Variants in VRK2 observed in about 807,000 individuals in gnomAD.
The protein encoded by VRK2 is VRK serine/threonine kinase 2.
Under a neutral mutation model 57.6 loss-of-function variants are expected in VRK2, and 60 were observed. The ratio of observed to expected loss-of-function variants is 1.04; its 90% confidence interval spans 0.85 to 1.29. VRK2 has a LOEUF of 1.29. Among genes scored for constraint, VRK2 ranks in the 50% most tolerant of loss-of-function variants. VRK2 has a pLI of 0.00. For synonymous variants in VRK2, 231 were observed against 199.2 expected (o/e 1.16, Z -1.35); for missense variants, 705 against 588.1 (o/e 1.20, Z -2.06).
chr2:57,952,786 A>T (rs1233022123), intron 1 of VRK2, among the ~76,000 whole-genome samples: 1 of 150,994 alleles, frequency 6.6e-6, no homozygotes, highest in African/African-American at 2.4e-5. Context: ...CAAATATTGC[A>T]TTGTTAATTG....
chr2:58,031,654 A>T (rs1043148924), intron 2 of VRK2, among the ~76,000 whole-genome samples: 1 of 152,084 alleles, frequency 6.6e-6, no homozygotes, highest in Non-Finnish European at 1.5e-5. Flanking sequence ...TATCTTTCCC[A>T]TTCTCTGAAA....
intron 2 of VRK2, among the ~76,000 whole-genome samples, chr2:58,080,789 AGTT>A (rs1670755293): frequency 4.6e-5 from 7 of 151,846 alleles, no homozygotes; most frequent in African/African-American, 1.7e-4. Context: ...GCAGTCTGAC[AGTT>A]TATTTCTTCA....
At chr2:58,014,742 C>A (rs1213811052) in intron 1 of VRK2, among the ~76,000 whole-genome samples, 1 of 152,148 alleles carries the variant, frequency 6.6e-6, no homozygotes, top group Non-Finnish European at 1.5e-5. Context: ...GGGAAACTGA[C>A]ATTAAATTGA....
intron 1 of VRK2, among the ~76,000 whole-genome samples, chr2:58,011,291 C>T (rs1245717061): frequency 6.6e-6 from 1 of 152,180 alleles, no homozygotes; most frequent in Non-Finnish European, 1.5e-5. Flanking sequence ...GTCACAGGCC[C>T]TGCTCTACAT....
At chr2:58,055,804 A>G (rs1676427337) in intron 2 of VRK2, among the ~76,000 whole-genome samples, 1 of 152,240 alleles carries the variant, frequency 6.6e-6, no homozygotes, top group African/African-American at 2.4e-5. Flanking sequence ...AGAAAATTTC[A>G]TCCAGAAACA....
chr2:58,003,748 G>A (rs1673158673), intron 1 of VRK2, among the ~76,000 whole-genome samples: 1 of 152,016 alleles, frequency 6.6e-6, no homozygotes, highest in South Asian at 2.1e-4. Context: ...GTGTCTTGTG[G>A]CCTGTGATTT....
intron 5 of VRK2, 54 bp downstream of exon 5, chr2:58,086,480 T>C (rs1375770352): frequency 6.9e-7 from 1 of 1,445,418 alleles, no homozygotes; most frequent in South Asian, 1.3e-5. Flanking sequence ...CCTTATGTGG[T>C]CTATGAGTTA....
intron 7 of VRK2, among the ~76,000 whole-genome samples, chr2:58,099,716 A>C (rs530953170): frequency 8.5e-5 from 13 of 152,158 alleles, no homozygotes; most frequent in African/African-American, 2.6e-4. Context: ...TTCTTTAAAA[A>C]CACTTGTCAC....
intron 2 of VRK2, among the ~76,000 whole-genome samples, chr2:58,076,100 T>C (rs1228614957): frequency 7.0e-6 from 1 of 142,680 alleles, no homozygotes; most frequent in Non-Finnish European, 1.5e-5. Flanking sequence ...TAATAGCTAC[T>C]GTCTTCTTTT....
chr2:57,930,272 G>A (rs1361568856), intron 1 of VRK2, among the ~76,000 whole-genome samples: 2 of 152,086 alleles, frequency 1.3e-5, no homozygotes, highest in Non-Finnish European at 2.9e-5. Flanking sequence ...CTCTGGCTAG[G>A]GCTTGTCTAA....
At chr2:58,009,201 T>G (rs760587020) in intron 1 of VRK2, among the ~76,000 whole-genome samples, 13 of 152,246 alleles carry the variant, frequency 8.5e-5, no homozygotes, top group East Asian at 1.9e-4. Flanking sequence ...ACTTCTCATT[T>G]CTTGTACTGA....
intron 1 of VRK2, among the ~76,000 whole-genome samples, chr2:57,936,523 G>T (rs2312144): frequency 0.3 from 43,669 of 145,022 alleles, 7,505 homozygotes; most frequent in African/African-American, 0.5. Flanking sequence ...GTTTTGTTTT[G>T]TTTTTTTGTT....
chr2:57,917,544 A>G (rs972912133), intron 1 of VRK2, among the ~76,000 whole-genome samples: 9 of 149,828 alleles, frequency 6.0e-5, no homozygotes, highest in Admixed American at 1.3e-4. Context: ...TAGTCATACT[A>G]GATCTAGATG....
chr2:58,041,061 G>A (rs1674434753), intron 3 of VRK2: 9 of 985,186 alleles, frequency 9.1e-6, no homozygotes, highest in Non-Finnish European at 1.1e-5. Flanking sequence ...TTACTGCAGG[G>A]ATGTTAACTG....
At chr2:58,032,311 T>A (rs549990694) in intron 2 of VRK2, among the ~76,000 whole-genome samples, 1 of 152,084 alleles carries the variant, frequency 6.6e-6, no homozygotes, top group East Asian at 1.9e-4. Context: ...AAACAAAAGA[T>A]TTATTTCTCA....
intron 2 of VRK2, 93 bp from the exon 3 acceptor site, chr2:58,083,996 T>A: frequency 7.5e-7 from 1 of 1,338,584 alleles, no homozygotes; most frequent in Non-Finnish European, 1.0e-6. Flanking sequence ...AACTTACATA[T>A]GTAAAATGCT....
intron 7 of VRK2, among the ~76,000 whole-genome samples, chr2:58,108,254 T>C (rs1472085118): frequency 2.0e-5 from 3 of 152,180 alleles, no homozygotes; most frequent in Non-Finnish European, 4.4e-5. Flanking sequence ...TCTTATCCAG[T>C]AACTCGTGGA....
At chr2:58,015,051 A>T (rs1673534343) in intron 1 of VRK2, among the ~76,000 whole-genome samples, 1 of 152,232 alleles carries the variant, frequency 6.6e-6, no homozygotes, top group Middle Eastern at 3.2e-3. Context: ...TTACAGGCAC[A>T]ATAGAGCACT....
At chr2:58,122,968 T>C in intron 7 of VRK2, 133 bp from the exon 8 acceptor site, 3 of 1,136,522 alleles carry the variant, frequency 2.6e-6, no homozygotes, top group Non-Finnish European at 3.5e-6. Flanking sequence ...TATTTTATCC[T>C]AAGGCACCAT....
Sources: allele counts gnomAD v4.1 joint callset (sites outside exome capture counted in the v4.1 genomes callset), GRCh38; gene constraint gnomAD v4.1.1; transcripts MANE v1.5; gene names NCBI Gene and HGNC (gene_info 2026-07-23, HGNC 2026-07-21).